The following PRKD1 variants were observed in gnomAD, a reference collection of about 807,000 sequenced individuals.
PRKD1 encodes the protein protein kinase D1.
PRKD1 carries 63 observed loss-of-function variants against 95.9 expected under a neutral mutation model. That is an observed-to-expected ratio of 0.66 (90% CI 0.54 to 0.81). The LOEUF (loss-of-function observed/expected upper bound fraction) is 0.81, where lower values mean the gene tolerates loss of function less well. Among genes scored for constraint, PRKD1 ranks in the 30% least tolerant of loss-of-function variants. The pLI, the probability that PRKD1 is intolerant of heterozygous loss-of-function variation, is 0.00. For missense variants in PRKD1, 1,048 were observed against 1,165.3 expected, an observed-to-expected ratio of 0.90 and a Z score of 1.47; for synonymous variants, 425 against 423.1, an observed-to-expected ratio of 1.00 and a Z score of -0.05.
intron 1 of PRKD1, among the ~76,000 whole-genome samples, chr14:29,726,768 T>C (rs1886166581): frequency 6.6e-6 from 1 of 151,760 alleles, no homozygotes; most frequent in Non-Finnish European, 1.5e-5. Context: ...TGCATGTCAC[T>C]TAGTAAAGTT....
chr14:29,636,459 T>A lies in PRKD1; in HGVS notation c.1021A>T (p.Met341Leu). Residue 341 changes from methionine to leucine, a missense_variant, in exon 7 of 18, where the codon ATG becomes TTG. This residue lies in a region of PRKD1 where 739 missense variants were observed against 861.9 expected (regional missense o/e 0.86). Coordinates refer to ENST00000331968, the MANE Select transcript of PRKD1 (RefSeq NM_002742.3). Reference sequence around the variant, plus strand: ...TCATTGTCATCACTCCCTTCTTCCATGACCACATCAGACTCTGCCCCAGGG... The same window carrying A: ...TCATTGTCATCACTCCCTTCTTCCAAGACCACATCAGACTCTGCCCCAGGG... ...LSPGAESDVV[M>L]EEGSDDNDSE... is the part of the protein sequence containing the mutation. 6.2e-7 allele frequency: 1 copy of A among 1,614,138 alleles called. No individual in the cohort carries two copies. The highest frequency in any genetic ancestry group is 8.5e-7 in the Non-Finnish European group (1 of 1,180,020).
chr14:29,775,301 A>G (rs1191720729), intron 1 of PRKD1, among the ~76,000 whole-genome samples: 5 of 152,144 alleles, frequency 3.3e-5, no homozygotes, highest in African/African-American at 9.7e-5. Flanking sequence ...CAGTGGGTGC[A>G]GGACAGTGGG....
intron 1 of PRKD1, among the ~76,000 whole-genome samples, chr14:29,772,092 T>C (rs1298600082): frequency 6.6e-6 from 1 of 152,234 alleles, no homozygotes; most frequent in Non-Finnish European, 1.5e-5. Flanking sequence ...GACTGGACTT[T>C]TGACTTGTGA....
At chr14:29,664,504 G>C (rs1296411533) in intron 3 of PRKD1, among the ~76,000 whole-genome samples, 1 of 152,048 alleles carries the variant, frequency 6.6e-6, no homozygotes, top group African/African-American at 2.4e-5. Flanking sequence ...CCATTACTTA[G>C]AATCTCTCCA....
intron 16 of PRKD1, among the ~76,000 whole-genome samples, chr14:29,584,412 G>C (rs1484125585): frequency 6.6e-6 from 1 of 151,968 alleles, no homozygotes; most frequent in Non-Finnish European, 1.5e-5. Context: ...GGTTCCCCAG[G>C]TCACACCTTT....
intron 1 of PRKD1, 33 bp downstream of exon 1, chr14:29,927,216 A>G: frequency 6.8e-7 from 1 of 1,460,852 alleles, no homozygotes; most frequent in Non-Finnish European, 9.0e-7. Flanking sequence ...CGCCGCGGGG[A>G]GGCGCCGGGC....
At chr14:29,786,788 A>G (rs907775370) in intron 1 of PRKD1, among the ~76,000 whole-genome samples, 1 of 151,982 alleles carries the variant, frequency 6.6e-6, no homozygotes, top group Non-Finnish European at 1.5e-5. Flanking sequence ...TTCAAAAAAA[A>G]GCTTTTCTTT....
In PRKD1 at chr14:29,630,778, T is replaced by G. The variant is rs778142202; in HGVS notation, c.1636A>C (p.Lys546Gln). 3 of 1,614,078 alleles carry G rather than the reference T, an allele frequency of 1.9e-6. No homozygotes were observed. The highest frequency in any genetic ancestry group is 2.5e-6 in the Non-Finnish European group (3 of 1,179,990). ...IQHALMPVIP[K>Q]GSSVGTGTNL... The stretch of plus-strand genomic sequence containing the variant: ...GTTCCTGTACCCACGGAGGAGCCCT[T>G]GGGAATGACGGGCATAAGGGCATGC... Residue 546 changes from lysine (K) to glutamine (Q), a missense_variant, in exon 10 of 18, where the codon AAG (lysine) becomes CAG (glutamine). Physicochemically the swap from Lys to Gln is moderately conservative, Grantham distance 53. Around this residue, in one of 3 missense-constraint regions of PRKD1, gnomAD observed 739 missense variants for 861.9 expected, o/e 0.86. Coordinates refer to ENST00000331968, the MANE Select transcript of PRKD1 (RefSeq NM_002742.3).
intron 1 of PRKD1, among the ~76,000 whole-genome samples, chr14:29,744,467 G>T (rs1353517247): frequency 6.6e-6 from 1 of 152,010 alleles, no homozygotes; most frequent in African/African-American, 2.4e-5. Flanking sequence ...TCCAAAACCT[G>T]AATTAACTGC....
chr14:29,841,658 C>A (rs1184748277), intron 1 of PRKD1, among the ~76,000 whole-genome samples: 4 of 152,162 alleles, frequency 2.6e-5, no homozygotes, highest in Admixed American at 2.0e-4. Flanking sequence ...GTCCATTAAA[C>A]CTCTGTTTCT....
intron 1 of PRKD1, among the ~76,000 whole-genome samples, chr14:29,881,342 T>C (rs900961471): frequency 6.6e-6 from 1 of 152,176 alleles, no homozygotes; most frequent in African/African-American, 2.4e-5. Context: ...GCTGCCGCCA[T>C]GTAAGAAGAG....
chr14:29,676,189 T>TTTTTTTTTTTG (rs1566532301), intron 2 of PRKD1, among the ~76,000 whole-genome samples: 2 of 122,536 alleles, frequency 1.6e-5, no homozygotes, highest in South Asian at 2.8e-4. Context: ...TTTTGTTTTT[T>TTTTTTTTTTTG]TTTTTTTTTT....
At chr14:29,793,375 T>G (rs546808077) in intron 1 of PRKD1, among the ~76,000 whole-genome samples, 1 of 152,214 alleles carries the variant, frequency 6.6e-6, no homozygotes, top group South Asian at 2.1e-4. Flanking sequence ...ATCTGTTCCC[T>G]GTTCTTCCTT....
chr14:29,637,169 A>G (rs1254198729), intron 6 of PRKD1, among the ~76,000 whole-genome samples: 1 of 152,032 alleles, frequency 6.6e-6, no homozygotes, highest in Non-Finnish European at 1.5e-5. Context: ...CCCTGGTGGG[A>G]AAAAAAAGTA....
intron 1 of PRKD1, among the ~76,000 whole-genome samples, chr14:29,915,516 A>C (rs542776997): frequency 6.6e-6 from 1 of 152,192 alleles, no homozygotes; most frequent in Admixed American, 6.5e-5. Context: ...TTCCCCAATG[A>C]CCGTCCAGTT....
chr14:29,898,261 A>T (rs1894201019), intron 1 of PRKD1, among the ~76,000 whole-genome samples: 1 of 152,140 alleles, frequency 6.6e-6, no homozygotes, highest in Non-Finnish European at 1.5e-5. Flanking sequence ...ATTAAATATG[A>T]TAATCATCTA....
intron 1 of PRKD1, among the ~76,000 whole-genome samples, chr14:29,804,171 G>A (rs1461143665): frequency 5.9e-5 from 9 of 151,514 alleles, no homozygotes; most frequent in Middle Eastern, 3.4e-3. Flanking sequence ...GAACTCAGAA[G>A]GCGAAGGTTG....
At chr14:29,627,190 G>A (rs1879685991) in intron 11 of PRKD1, among the ~76,000 whole-genome samples, 1 of 152,194 alleles carries the variant, frequency 6.6e-6, no homozygotes, top group Non-Finnish European at 1.5e-5. Flanking sequence ...TGTTGAGATG[G>A]CTATTTGGAA....
chr14:29,663,867 G>A lies in PRKD1; in HGVS notation c.536-8C>T. On this transcript the variant is annotated splice_polypyrimidine_tract_variant and splice_region_variant and intron_variant, in intron 3 of 17. Transcript: ENST00000331968. ...GGTAATTCAGACCACACCCTGGAAA[G>A]GGAAAATAAAAATTATTTTTATTGA... The A allele has an allele frequency of 3.7e-6, 6 of 1,610,200 alleles. No individual in the cohort carries two copies. Among genetic ancestry groups the A allele is most frequent in the Non-Finnish European group, 5.1e-6 (6 of 1,177,328 alleles).
Sources: gnomAD v4.1 joint callset for allele counts (sites outside exome capture counted in the v4.1 genomes callset) on GRCh38, gnomAD v4.1.1 for gene constraint, gnomAD v4.1.1 regional missense constraint, MANE v1.5 for transcripts, NCBI Gene and HGNC (gene_info 2026-07-23, HGNC 2026-07-21) for gene names.